C8orf48: variants seen among roughly 807,000 people sequenced by gnomAD.
C8orf48 encodes uncharacterized protein C8orf48.
For missense variants in C8orf48, 580 were observed against 363.3 expected (o/e 1.60, Z -4.85); for synonymous variants, 188 against 138.2 (o/e 1.36, Z -2.53).
In C8orf48 at chr8:13,568,161, G is replaced by A. The variant is rs1804523135; in HGVS notation, c.*210G>A. 1 of 542,176 alleles carries A rather than the reference G, an allele frequency of 1.8e-6. No individual in the cohort carries two copies. Among genetic ancestry groups the A allele is most frequent in the Non-Finnish European group, 3.2e-6 (1 of 314,710 alleles). 33.6% of individuals were successfully genotyped at this position (542,176 alleles called of 1,614,324 possible). ...TCCAAGAGAACTATGTTGGTAGTTT[G>A]GGCCAGGATGTTGATGGTACAGAAG... On this transcript the variant is annotated 3_prime_UTR_variant, in exon 1 of 1. Transcript: ENST00000297324.
At chr8:13,567,003 C>A in the C8orf48 span, 1 of 1,547,854 alleles carries the variant, frequency 6.5e-7, no homozygotes, top group South Asian at 1.2e-5. Context: ...TGGCCATCTG[C>A]CCAGAATTGG....
Position 13,567,504 on chromosome 8 carries a change from A to G in C8orf48, c.513A>G (p.Glu171=), listed in dbSNP as rs1459796477. ...RDAFSCTVPD[E]LLNRIYFKNM... ...CCTTTAGTTGTACTGTACCCGATGA[A>G]CTTTTGAACAGAATCTACTTTAAAA... Residue 171 remains glutamate, a synonymous_variant, in exon 1 of 1, where the codon GAA becomes GAG. Transcript: ENST00000297324. 4 of 1,552,100 alleles carry G rather than the reference A, an allele frequency of 2.6e-6. No homozygotes were observed. In the South Asian group the frequency reaches 3.6e-5, roughly 14 times the overall value.
At position 13,567,961 on chromosome 8, in the gene C8orf48, A is replaced by T; in HGVS notation, c.*10A>T. On this transcript the variant is annotated 3_prime_UTR_variant, in exon 1 of 1. Transcript: ENST00000297324. ...TAATGATAATGTGTAATGTGGATAG[A>T]TGTCTTTGTTGTGTATTTGAGTAAT... The T allele has an allele frequency of 6.6e-7, 1 of 1,525,158 alleles. No homozygotes were observed. The highest frequency in any genetic ancestry group is 8.8e-7 in the Non-Finnish European group (1 of 1,135,810). The allele number at this position is 1,525,158 out of a possible 1,614,324, so 94.5% of individuals were successfully genotyped here.
chr8:13,567,008 A>C lies in C8orf48; in HGVS notation c.17A>C (p.Glu6Ala), dbSNP rs1327993152. Reference sequence around the variant, plus strand: ...TGCATTGTGATGGCCATCTGCCCAGAATTGGCCCAAACGGACAAAAGTGCT... The same window carrying C: ...TGCATTGTGATGGCCATCTGCCCAGCATTGGCCCAAACGGACAAAAGTGCT... Reference protein sequence around the residue: MAICPELAQTDKSALA... With the variant: MAICPALAQTDKSALA... Residue 6 changes from glutamate to alanine, a missense_variant, in exon 1 of 1, where the codon GAA (glutamate) becomes GCA (alanine). Coordinates refer to ENST00000297324, the MANE Select transcript of C8orf48 (RefSeq NM_001007090.3). The C allele has an allele frequency of 6.5e-7, 1 of 1,549,652 alleles. No homozygotes were observed. Among genetic ancestry groups the C allele is most frequent in the Non-Finnish European group, 8.7e-7 (1 of 1,145,602 alleles).
Position 13,567,701 on chromosome 8 carries a change from C to A in C8orf48, c.710C>A (p.Thr237Asn). The change falls in exon 1 of 1, where the codon ACC becomes AAC. Residue 237 changes from threonine to asparagine, a missense_variant. By Grantham distance (65) the Thr-to-Asn change is moderately conservative. Coordinates refer to ENST00000297324, the MANE Select transcript of C8orf48 (RefSeq NM_001007090.3). ...GAGAGAATAGATGAACATCTTCATA[C>A]CAAAGACTTTCTCACCCGTATTGGA... is the stretch of plus-strand genomic sequence containing the variant. ...LQERIDEHLH[T>N]KDFLTRIGEA... The A allele has an allele frequency of 6.4e-7, 1 of 1,551,974 alleles. No individual in the cohort carries two copies.
Position 13,567,186 on chromosome 8 carries a change from A to C in C8orf48, c.195A>C (p.Glu65Asp). 6.4e-7 allele frequency: 1 copy of C among 1,551,854 alleles called. No homozygotes were observed. Among genetic ancestry groups the C allele is most frequent in the Non-Finnish European group, 8.7e-7 (1 of 1,147,018 alleles). The change falls in exon 1 of 1, where the codon GAA becomes GAC. Residue 65 changes from glutamate to aspartate, a missense_variant. Physicochemically the swap from Glu to Asp is conservative, Grantham distance 45. Coordinates refer to ENST00000297324, the MANE Select transcript of C8orf48 (RefSeq NM_001007090.3). ...LEREKQTPSL[E>D]QGDTQSELLD... ...GGGAAAAGCAGACTCCAAGCTTGGA[A>C]CAAGGAGACACACAATCTGAGCTTT...
Position 13,567,305 on chromosome 8 carries a change from C to T in C8orf48, c.314C>T (p.Thr105Ile), listed in dbSNP as rs2117399056. Residue 105 changes from threonine to isoleucine, a missense_variant, in exon 1 of 1, where the codon ACC becomes ATC. Transcript: ENST00000297324. ...DSNFERHQPD[T>I]KLPTEITRVS... ...AACTTTGAACGGCACCAACCAGACA[C>T]CAAACTTCCAACAGAAATCACTCGG... The T allele has an allele frequency of 6.4e-7, 1 of 1,551,738 alleles. No individual in the cohort carries two copies. The highest frequency in any genetic ancestry group is 2.4e-5 in the East Asian group (1 of 40,904).
rs1490857556 is a variant in C8orf48, at chr8:13,567,709, T to C, written c.718T>C (p.Phe240Leu). Residue 240 changes from phenylalanine to leucine, a missense_variant, in exon 1 of 1, where the codon TTT becomes CTT. Phe to Leu is a conservative substitution (Grantham distance 22). Coordinates refer to ENST00000297324, the MANE Select transcript of C8orf48 (RefSeq NM_001007090.3). ...AGATGAACATCTTCATACCAAAGAC[T>C]TTCTCACCCGTATTGGAGAAGCACA... ...RIDEHLHTKD[F>L]LTRIGEAHQD... The C allele has an allele frequency of 6.4e-6, 10 of 1,551,918 alleles. No individual in the cohort carries two copies. Among genetic ancestry groups the C allele is most frequent in the Non-Finnish European group, 8.7e-6 (10 of 1,147,088 alleles).
Position 13,567,957 on chromosome 8 carries a change from A to T in C8orf48, c.*6A>T. 3 of 1,529,404 alleles carry T rather than the reference A, an allele frequency of 2.0e-6. No homozygotes were observed. Among genetic ancestry groups the T allele is most frequent in the Non-Finnish European group, 2.6e-6 (3 of 1,137,560 alleles). The allele number at this position is 1,529,404 out of a possible 1,614,324, so 94.7% of individuals were successfully genotyped here. On this transcript the variant is annotated 3_prime_UTR_variant, in exon 1 of 1. Coordinates refer to ENST00000297324, the MANE Select transcript of C8orf48 (RefSeq NM_001007090.3). ...TTGTTAATGATAATGTGTAATGTGG[A>T]TAGATGTCTTTGTTGTGTATTTGAG...
rs1359947023 is a variant in C8orf48, at chr8:13,567,846, G to A, written c.855G>A (p.Leu285=). ...AAAGATCAGAGACAGAGCAGAAGTT[G>A]CAGCGAGATGGAAATAGTGCTTGTC... ...GFERSETEQK[L]QRDGNSACHL... Residue 285 remains leucine (L), a synonymous_variant, in exon 1 of 1, where the codon TTG becomes TTA. Coordinates refer to ENST00000297324, the MANE Select transcript of C8orf48 (RefSeq NM_001007090.3). The A allele has an allele frequency of 3.2e-6, 5 of 1,551,692 alleles. No individual in the cohort carries two copies. The South Asian group carries it at 5.9e-5, about 18-fold the overall frequency.
rs1388912974 is a variant in C8orf48, at chr8:13,567,159, G to C, written c.168G>C (p.Glu56Asp). ...SSPLTSGSKL[E>D]REKQTPSLEQ... ...CCCTGACCTCTGGGAGCAAACTGGA[G>C]AGGGAAAAGCAGACTCCAAGCTTGG... Residue 56 changes from glutamate (E) to aspartate (D), a missense_variant, in exon 1 of 1, where the codon GAG (glutamate) becomes GAC (aspartate). By Grantham distance (45) the Glu-to-Asp change is conservative (BLOSUM62 2). Transcript: ENST00000297324. 13 of 1,551,798 alleles carry C rather than the reference G, an allele frequency of 8.4e-6. No individual in the cohort carries two copies. Among genetic ancestry groups the C allele is most frequent in the Middle Eastern group, 1.7e-4 (1 of 5,992 alleles).
rs1432190839 is a variant in C8orf48 at position 13,567,165 on chromosome 8, A to G, written c.174A>G (p.Glu58=). The part of the protein sequence containing the change: ...PLTSGSKLER[E]KQTPSLEQGD... ...CCTCTGGGAGCAAACTGGAGAGGGA[A>G]AAGCAGACTCCAAGCTTGGAACAAG... The change falls in exon 1 of 1, where the codon GAA becomes GAG. Residue 58 remains glutamate, a synonymous_variant. Coordinates refer to ENST00000297324, the MANE Select transcript of C8orf48 (RefSeq NM_001007090.3). 3 of 1,551,824 alleles carry G rather than the reference A, an allele frequency of 1.9e-6. No individual in the cohort carries two copies.
chr8:13,567,895 C>T lies in C8orf48; in HGVS notation c.904C>T (p.Leu302Phe). 4 of 1,551,992 alleles carry T rather than the reference C, an allele frequency of 2.6e-6. No homozygotes were observed. The highest frequency in any genetic ancestry group is 3.5e-6 in the Non-Finnish European group (4 of 1,146,988). Residue 302 changes from leucine to phenylalanine, a missense_variant, in exon 1 of 1, where the codon CTC (leucine) becomes TTC (phenylalanine). Physicochemically the swap from Leu to Phe is conservative, Grantham distance 22 (BLOSUM62 0). Coordinates refer to ENST00000297324, the MANE Select transcript of C8orf48 (RefSeq NM_001007090.3). ...TCATTTACCATTTTCTCTGCCATTTCTCAAGCGACTTACTCTAATCAAACC... is the reference window on the plus strand; with the variant it reads ...TCATTTACCATTTTCTCTGCCATTTTTCAAGCGACTTACTCTAATCAAACC... ...ACHLPFSLPF[L>F]KRLTLIKPEL... is the part of the protein sequence containing the mutation.
chr8:13,567,574 A>C lies in C8orf48; in HGVS notation c.583A>C (p.Ile195Leu), dbSNP rs770108669. 1.7e-5 allele frequency: 26 copies of C among 1,551,648 alleles called. No homozygotes were observed. The highest frequency in any genetic ancestry group is 5.5e-5 in the African/African-American group (4 of 73,052). The stretch of plus-strand genomic sequence containing the variant: ...ACAGGAGGCAGCAGCTAAGCAACAC[A>C]TATCTTATCAGTGTCCCTATTGTAA... ...PKQEAAAKQHISYQCPYCNRK... is the reference protein window; with the variant it reads ...PKQEAAAKQHLSYQCPYCNRK... Residue 195 changes from isoleucine (I) to leucine (L), a missense_variant, in exon 1 of 1, where the codon ATA becomes CTA. Ile to Leu is a conservative substitution (Grantham distance 5, BLOSUM62 2). Coordinates refer to ENST00000297324, the MANE Select transcript of C8orf48 (RefSeq NM_001007090.3).
chr8:13,567,661 T>A lies in C8orf48; in HGVS notation c.670T>A (p.Ser224Thr). The change falls in exon 1 of 1, where the codon TCA (serine) becomes ACA (threonine). Residue 224 changes from serine to threonine, a missense_variant. By Grantham distance (58) the Ser-to-Thr change is moderately conservative (BLOSUM62 1). Transcript: ENST00000297324. ...FLKQKKTLLE[S>T]FLLQERIDEH... is the part of the protein sequence containing the mutation. Reference sequence around the variant, plus strand: ...GAAACAAAAGAAGACTTTACTGGAGTCATTTCTACTCCAAGAGAGAATAGA... The same window carrying A: ...GAAACAAAAGAAGACTTTACTGGAGACATTTCTACTCCAAGAGAGAATAGA... 1 of 1,551,706 alleles carries A rather than the reference T, an allele frequency of 6.4e-7. No individual in the cohort carries two copies. The highest frequency in any genetic ancestry group is 8.7e-7 in the Non-Finnish European group (1 of 1,147,000).
In C8orf48 at chr8:13,567,898, A is replaced by G; in HGVS notation, c.907A>G (p.Lys303Glu). ...CHLPFSLPFL[K>E]RLTLIKPELV... ...TTTACCATTTTCTCTGCCATTTCTC[A>G]AGCGACTTACTCTAATCAAACCAGA... The change falls in exon 1 of 1, where the codon AAG (lysine) becomes GAG (glutamate). Residue 303 changes from lysine to glutamate, a missense_variant. Lys to Glu is a moderately conservative substitution (Grantham distance 56). Coordinates refer to ENST00000297324, the MANE Select transcript of C8orf48 (RefSeq NM_001007090.3). The G allele has an allele frequency of 6.4e-7, 1 of 1,552,088 alleles. No individual in the cohort carries two copies. Among genetic ancestry groups the G allele is most frequent in the East Asian group, 2.4e-5 (1 of 40,920 alleles).
rs576698918 is a variant in C8orf48 at position 13,568,263 on chromosome 8, A to G, written c.*312A>G. 2.9e-4 allele frequency: 69 copies of G among 240,642 alleles called. No individual in the cohort carries two copies. The highest frequency in any genetic ancestry group is 1.6e-3 in the African/African-American group (68 of 43,514). 14.9% of individuals were successfully genotyped at this position (240,642 alleles called of 1,614,324 possible). A position where few individuals can be genotyped will look rare whatever the true frequency, so the allele number is the denominator to read the frequency against. ...GCGATCAAATGGCTATGGGGAATTAATAAATAGTAGATGTTTGAAATGTTA... is the reference window on the plus strand; with the variant it reads ...GCGATCAAATGGCTATGGGGAATTAGTAAATAGTAGATGTTTGAAATGTTA... On this transcript the variant is annotated 3_prime_UTR_variant, in exon 1 of 1. Coordinates refer to ENST00000297324, the MANE Select transcript of C8orf48 (RefSeq NM_001007090.3).
Position 13,566,948 on chromosome 8 carries a change from TAA to T in C8orf48, c.-43_-42del. On this transcript the variant is annotated 5_prime_UTR_variant, in exon 1 of 1. Transcript: ENST00000297324. ...TCCTGACGGGTTCCTGAGCCAGTCTTAACCTGGGCAAAGGAGATGAGGAGCCG... is the reference window on the plus strand; with the variant it reads ...TCCTGACGGGTTCCTGAGCCAGTCTTCCTGGGCAAAGGAGATGAGGAGCCG... 6.7e-7 allele frequency: 1 copy of T among 1,496,902 alleles called. No individual in the cohort carries two copies. The highest frequency in any genetic ancestry group is 1.4e-5 in the South Asian group (1 of 73,906). The allele number at this position is 1,496,902 out of a possible 1,614,324, so 92.7% of individuals were successfully genotyped here.
At position 13,567,545 on chromosome 8, in the gene C8orf48, C is replaced by T. The variant is rs925263888; in HGVS notation, c.554C>T (p.Pro185Leu). Residue 185 changes from proline (P) to leucine (L), a missense_variant, in exon 1 of 1, where the codon CCA becomes CTA. By Grantham distance (98) the Pro-to-Leu change is moderately conservative. Coordinates refer to ENST00000297324, the MANE Select transcript of C8orf48 (RefSeq NM_001007090.3). ...RIYFKNMRTT[P>L]KQEAAAKQHI... ...TACTTTAAAAACATGAGGACAACGC[C>T]AAAACAGGAGGCAGCAGCTAAGCAA... is the stretch of plus-strand genomic sequence containing the variant. The T allele has an allele frequency of 3.2e-6, 5 of 1,551,552 alleles. No individual in the cohort carries two copies. The Admixed American group carries it at 9.8e-5, about 30-fold the overall frequency.
Sources: allele counts gnomAD v4.1 joint callset, GRCh38; gene constraint gnomAD v4.1.1; transcripts MANE v1.5; gene names NCBI Gene and HGNC (gene_info 2026-07-23, HGNC 2026-07-21).